Variants in KCNN2 observed in about 807,000 individuals in gnomAD.
KCNN2 encodes the protein potassium calcium-activated channel subfamily N member 2.
KCNN2 carries 24 observed loss-of-function variants against 55.5 expected under a neutral mutation model. The ratio of observed to expected loss-of-function variants is 0.43; its 90% CI spans 0.31 to 0.61. The LOEUF (loss-of-function observed/expected upper bound fraction) is 0.61, where lower values mean the gene tolerates loss of function less well. KCNN2 is among the 20% of genes least tolerant of loss of function. The pLI is 0.08. For synonymous variants in KCNN2, 431 were observed against 336.1 expected, an observed-to-expected ratio of 1.28 and a Z score of -3.09; for missense variants, 754 against 853.6, an observed-to-expected ratio of 0.88 and a Z score of 1.45.
intron 5 of KCNN2, among the ~76,000 whole-genome samples, chr5:114,485,015 A>G (rs186301498): frequency 3.1e-4 from 47 of 152,292 alleles, no homozygotes; most frequent in African/African-American, 1.1e-3. Context: ...CACTTTCTTC[A>G]TATACCCAAG....
chr5:114,351,309 C>A (rs1441314684), intron 2 of KCNN2, among the ~76,000 whole-genome samples: 1 of 151,628 alleles, frequency 6.6e-6, no homozygotes, highest in East Asian at 1.9e-4. Context: ...TATGTAGAAA[C>A]CTGCTGATCC....
Position 114,362,588 on chromosome 5 carries a change from A to G in KCNN2, c.449A>G (p.Gln150Arg), listed in dbSNP as rs953769654. ...RQQYAQQSAQ[Q>R]SASASQYHQC... Reference sequence around the variant, plus strand: ...CAGTACGCGCAGCAGTCCGCGCAGCAGTCGGCGTCCGCCTCCCAGTACCAC... The same window carrying G: ...CAGTACGCGCAGCAGTCCGCGCAGCGGTCGGCGTCCGCCTCCCAGTACCAC... Residue 150 changes from glutamine to arginine, a missense_variant, in exon 1 of 8, where the codon CAG becomes CGG. Physicochemically the swap from Gln to Arg is conservative, Grantham distance 43. Coordinates refer to ENST00000673685, the MANE Select transcript of KCNN2 (RefSeq NM_021614.4). 4.1e-6 allele frequency: 3 copies of G among 732,700 alleles called. No homozygotes were observed. The highest frequency in any genetic ancestry group is 6.3e-6 in the Non-Finnish European group (3 of 473,040). The allele number at this position is 732,700 out of a possible 1,614,324, so 45.4% of individuals were successfully genotyped here.
At chr5:114,369,771 C>T (rs199774239) in intron 2 of KCNN2, among the ~76,000 whole-genome samples, 1 of 152,240 alleles carries the variant, frequency 6.6e-6, no homozygotes, top group East Asian at 1.9e-4. Context: ...CTAAATAAAG[C>T]TATCCTGGTG....
At chr5:114,305,297 C>T (rs374635616) in intron 2 of KCNN2, among the ~76,000 whole-genome samples, 8 of 152,248 alleles carry the variant, frequency 5.3e-5, no homozygotes, top group Admixed American at 3.3e-4. Flanking sequence ...AGATGGCCTA[C>T]GATCTCTGAA....
chr5:114,233,632 TTTATTC>T (rs1754409262), intron 2 of KCNN2, among the ~76,000 whole-genome samples: 1 of 152,178 alleles, frequency 6.6e-6, no homozygotes, highest in Non-Finnish European at 1.5e-5. Context: ...GTTTTGCACT[TTTATTC>T]TTATAGTGAA....
chr5:114,173,274 G>T (rs547343221), intron 1 of KCNN2, among the ~76,000 whole-genome samples: 3 of 151,890 alleles, frequency 2.0e-5, no homozygotes, highest in Non-Finnish European at 4.4e-5. Flanking sequence ...TCTCTATTCG[G>T]TTCCATTGAT....
chr5:114,386,210 A>G (rs1365400957), intron 2 of KCNN2, among the ~76,000 whole-genome samples: 1 of 150,298 alleles, frequency 6.7e-6, no homozygotes, highest in African/African-American at 2.4e-5. Context: ...AAAGTGAAGT[A>G]TAGAGTGGTT....
At chr5:114,307,593 T>G (rs1307022969) in intron 2 of KCNN2, among the ~76,000 whole-genome samples, 1 of 152,192 alleles carries the variant, frequency 6.6e-6, no homozygotes, top group Non-Finnish European at 1.5e-5. Flanking sequence ...CAACTCTCAC[T>G]GTGGTCTCAA....
intron 6 of KCNN2, among the ~76,000 whole-genome samples, chr5:114,487,473 T>C (rs1747630136): frequency 6.6e-6 from 1 of 152,202 alleles, no homozygotes; most frequent in South Asian, 2.1e-4. Context: ...TTTATTCAGA[T>C]AGTTTGCTCT....
chr5:114,131,555 A>G (rs1376069681), intron 1 of KCNN2, among the ~76,000 whole-genome samples: 2 of 152,154 alleles, frequency 1.3e-5, no homozygotes, highest in Non-Finnish European at 2.9e-5. Context: ...GATTGATTCC[A>G]TGTCTTTGCT....
intron 1 of KCNN2, among the ~76,000 whole-genome samples, chr5:114,163,387 C>T (rs2112534285): frequency 6.6e-6 from 1 of 152,224 alleles, no homozygotes; most frequent in East Asian, 1.9e-4. Flanking sequence ...AGAATGATTC[C>T]AGCTTTTGTC....
At chr5:114,075,156 G>T (rs1750660454) in intron 1 of KCNN2, among the ~76,000 whole-genome samples, 1 of 152,194 alleles carries the variant, frequency 6.6e-6, no homozygotes, top group Non-Finnish European at 1.5e-5. Flanking sequence ...ACAGATTGGA[G>T]ACTGGAAGAA....
intron 1 of KCNN2, among the ~76,000 whole-genome samples, chr5:114,178,289 C>T (rs1256432002): frequency 1.3e-5 from 2 of 152,174 alleles, no homozygotes; most frequent in African/African-American, 4.8e-5. Context: ...AATGAGAGTT[C>T]CATAAACTGC....
chr5:114,161,797 C>T (rs1181620512), intron 1 of KCNN2, among the ~76,000 whole-genome samples: 2 of 152,204 alleles, frequency 1.3e-5, no homozygotes, highest in African/African-American at 4.8e-5. Flanking sequence ...ATCACATCAG[C>T]TACTGAGGCT....
chr5:114,490,778 T>A, intron 6 of KCNN2: 3 of 398,006 alleles, frequency 7.5e-6, no homozygotes, highest in Non-Finnish European at 1.3e-5. Flanking sequence ...CCTTTATTTG[T>A]GAATTTTAGT....
At chr5:114,399,723 T>A (rs337703) in intron 2 of KCNN2, among the ~76,000 whole-genome samples, 29,732 of 151,998 alleles carry the variant, frequency 0.2, 4,310 homozygotes, top group African/African-American at 0.42. Flanking sequence ...GGCTATGAAT[T>A]CCTCTGGTTC....
intron 2 of KCNN2, among the ~76,000 whole-genome samples, chr5:114,388,545 T>A (rs967281860): frequency 6.6e-6 from 1 of 152,184 alleles, no homozygotes; most frequent in Non-Finnish European, 1.5e-5. Context: ...GTTATGTTGA[T>A]AACTATAATT....
At chr5:114,259,911 AG>A (rs1368885837) in intron 2 of KCNN2, among the ~76,000 whole-genome samples, 1 of 152,144 alleles carries the variant, frequency 6.6e-6, no homozygotes, top group Non-Finnish European at 1.5e-5. Flanking sequence ...CTTCTTTCTG[AG>A]GAGAATTGGC....
intron 3 of KCNN2, among the ~76,000 whole-genome samples, chr5:114,408,954 C>T (rs1016399783): frequency 3.3e-5 from 5 of 152,094 alleles, no homozygotes; most frequent in South Asian, 2.1e-4. Flanking sequence ...GAAAACTGTT[C>T]ATTTCATAGC....
Sources: allele counts gnomAD v4.1 joint callset (sites outside exome capture counted in the v4.1 genomes callset), GRCh38; gene constraint gnomAD v4.1.1; transcripts MANE v1.5; gene names NCBI Gene and HGNC (gene_info 2026-07-23, HGNC 2026-07-21).